The following MAF variants were observed in gnomAD, a reference collection of about 807,000 sequenced individuals.
MAF encodes the protein transcription factor Maf.
A neutral mutation model predicts 22.0 loss-of-function variants in MAF; 10 were observed. The ratio of observed to expected loss-of-function variants is 0.45; its 90% CI spans 0.28 to 0.77. The LOEUF (loss-of-function observed/expected upper bound fraction) is 0.77. Ranked by LOEUF, MAF falls within the 30% of genes least tolerant of loss-of-function variation. The pLI is 0.12. For missense variants in MAF, 544 were observed against 548.4 expected (o/e 0.99, Z 0.08); for synonymous variants, 337 against 255.8 (o/e 1.32, Z -3.03).
At chr16:79,466,696 G>T in the MAF span, among the ~76,000 whole-genome samples, 1 of 152,206 alleles carries the variant, frequency 6.6e-6, no homozygotes, top group Admixed American at 6.5e-5. Flanking sequence ...AAAACCTTAA[G>T]AGAAGACTGT....
the MAF span, among the ~76,000 whole-genome samples, chr16:79,568,061 G>C: frequency 6.6e-6 from 1 of 152,170 alleles, no homozygotes; most frequent in Non-Finnish European, 1.5e-5. Flanking sequence ...ACCTCGGAAA[G>C]CAAAATGAAC....
chr16:79,323,259 G>A, the MAF span, among the ~76,000 whole-genome samples: 3 of 150,886 alleles, frequency 2.0e-5, no homozygotes, highest in Non-Finnish European at 1.5e-5. Flanking sequence ...CAACTGGAAG[G>A]GGGGATGACA....
chr16:79,295,498 C>A, the MAF span, among the ~76,000 whole-genome samples: 53 of 152,302 alleles, frequency 3.5e-4, no homozygotes, highest in East Asian at 7.7e-4. Flanking sequence ...ATTTGGTTGG[C>A]CAAAACTCAG....
At chr16:79,502,686 TATAAATATAAATATAAATATAA>T in the MAF span, among the ~76,000 whole-genome samples, 4 of 13,324 alleles carry the variant, frequency 3.0e-4, no homozygotes, top group Admixed American at 1.1e-3. Flanking sequence ...TAAATATAAA[TATAAATATAAATATAAATATAA>T]ATATATATAT....
downstream of MAF, among the ~76,000 whole-genome samples, chr16:79,589,256 G>A (rs933169871): frequency 6.6e-6 from 1 of 152,178 alleles, no homozygotes; most frequent in Non-Finnish European, 1.5e-5. Context: ...CCTGAGATGT[G>A]TCTAGAACTG....
In MAF at chr16:79,600,513, C is replaced by G. The variant is rs937703343; in HGVS notation, c.-611G>C. On this transcript the variant is annotated 5_prime_UTR_variant, in exon 1 of 2. Coordinates refer to ENST00000326043, the MANE Select transcript of MAF (RefSeq NM_005360.5). ...TTTTCTTTCCTCTCTCTCCCTCGCG[C>G]GCTCTCTACCTCTGTGCAAAGTGCA... The G allele has an allele frequency of 1.9e-4, 37 of 195,524 alleles. No homozygotes were observed. The highest frequency in any genetic ancestry group is 9.5e-4 in the Admixed American group (15 of 15,854). The allele number at this position is 195,524 out of a possible 1,614,324, so 12.1% of individuals were successfully genotyped here.
chr16:79,432,011 C>T, the MAF span, among the ~76,000 whole-genome samples: 1 of 151,884 alleles, frequency 6.6e-6, no homozygotes, highest in African/African-American at 2.4e-5. Context: ...ATTTCCAAAC[C>T]CTATGATGTG....
At chr16:79,419,882 T>C in the MAF span, among the ~76,000 whole-genome samples, 1 of 151,518 alleles carries the variant, frequency 6.6e-6, no homozygotes, top group South Asian at 2.1e-4. Context: ...TCTTTGGTCA[T>C]TCATGATCCA....
the MAF span, among the ~76,000 whole-genome samples, chr16:79,230,578 C>T: frequency 2.6e-5 from 4 of 152,128 alleles, no homozygotes; most frequent in Non-Finnish European, 4.4e-5. Flanking sequence ...GCTGAGCAAC[C>T]TTCAGCACAA....
the MAF span, among the ~76,000 whole-genome samples, chr16:79,274,213 C>T: frequency 6.6e-6 from 1 of 151,760 alleles, no homozygotes; most frequent in African/African-American, 2.4e-5. Context: ...CCTTGACCTC[C>T]CAAAGTGCCA....
At chr16:79,429,800 T>C in the MAF span, among the ~76,000 whole-genome samples, 1 of 152,248 alleles carries the variant, frequency 6.6e-6, no homozygotes, top group Admixed American at 6.5e-5. Context: ...CTGTGCTTTC[T>C]GCACTTGCCT....
At chr16:79,203,446 A>G in the MAF span, 1 of 151,260 alleles carries the variant, frequency 6.6e-6, no homozygotes, top group Non-Finnish European at 1.5e-5. Flanking sequence ...TGGAAGGCAG[A>G]GTTAAGAGTT....
rs1913367687 is a variant in MAF at position 79,594,283 on chromosome 16, A to G, written c.*177T>C. 1 of 651,246 alleles carries G rather than the reference A, an allele frequency of 1.5e-6. No individual in the cohort carries two copies. Among genetic ancestry groups the G allele is most frequent in the South Asian group, 1.9e-5 (1 of 53,484 alleles). 40.3% of individuals were successfully genotyped at this position (651,246 alleles called of 1,614,324 possible). ...GGAGTGCGCTTTCCTACCGGTCTCT[A>G]TGAAACCCCCAGACAAGAGGCATAG... On this transcript the variant is annotated 3_prime_UTR_variant, in exon 2 of 2. Coordinates refer to ENST00000326043, the MANE Select transcript of MAF (RefSeq NM_005360.5).
chr16:79,542,829 T>C, the MAF span, among the ~76,000 whole-genome samples: 3 of 152,220 alleles, frequency 2.0e-5, no homozygotes, highest in African/African-American at 7.2e-5. Context: ...TAGATCATGA[T>C]AGACTTTAAG....
At chr16:79,428,850 A>G in the MAF span, among the ~76,000 whole-genome samples, 9 of 19,204 alleles carry the variant, frequency 4.7e-4, no homozygotes, top group Admixed American at 8.1e-4. Flanking sequence ...GTCTCAGAAA[A>G]ATAATAATAA....
the MAF span, among the ~76,000 whole-genome samples, chr16:79,494,644 C>A: frequency 6.6e-6 from 1 of 152,154 alleles, no homozygotes; most frequent in Non-Finnish European, 1.5e-5. Context: ...GTACTCACAC[C>A]ACACTTCTGA....
the MAF span, among the ~76,000 whole-genome samples, chr16:79,403,344 A>G: frequency 6.6e-6 from 1 of 152,338 alleles, no homozygotes; most frequent in African/African-American, 2.4e-5. Context: ...AGAAATCACA[A>G]GCTCTCGCCT....
the MAF span, among the ~76,000 whole-genome samples, chr16:79,518,424 G>T: frequency 6.6e-6 from 1 of 152,184 alleles, no homozygotes; most frequent in African/African-American, 2.4e-5. Context: ...GATACATCTT[G>T]TAGAACTCTC....
chr16:79,363,032 T>G, the MAF span, among the ~76,000 whole-genome samples: 1 of 152,198 alleles, frequency 6.6e-6, no homozygotes, highest in East Asian at 1.9e-4. Flanking sequence ...CTTCAGAAAC[T>G]GCCCTCACTT....
Sources: gnomAD v4.1 joint callset for allele counts (sites outside exome capture counted in the v4.1 genomes callset) on GRCh38, gnomAD v4.1.1 for gene constraint, MANE v1.5 for transcripts, NCBI Gene and HGNC (gene_info 2026-07-23, HGNC 2026-07-21) for gene names.